Variants in ABHD17C observed in about 807,000 individuals in gnomAD.
ABHD17C encodes the protein abhydrolase domain containing 17C, depalmitoylase.
A neutral mutation model predicts 27.9 loss-of-function variants in ABHD17C; 11 were observed. That is an observed-to-expected ratio of 0.39 (90% CI 0.25 to 0.65). ABHD17C has a LOEUF of 0.65. Among genes scored for constraint, ABHD17C ranks in the 30% least tolerant of loss-of-function variants. The probability of loss-of-function intolerance (pLI) is 0.45; values close to 1 mark genes in which losing one functional copy is unlikely to be tolerated. For synonymous variants in ABHD17C, 233 were observed against 209.1 expected (o/e 1.11, Z -0.98); for missense variants, 280 against 470.2 (o/e 0.60, Z 3.74).
intron 1 of ABHD17C, among the ~76,000 whole-genome samples, chr15:80,708,709 T>C (rs1180897274): frequency 6.6e-6 from 1 of 152,222 alleles, no homozygotes; most frequent in Non-Finnish European, 1.5e-5. Flanking sequence ...CCTGGACCAG[T>C]GCAGCCTGGC....
intron 1 of ABHD17C, among the ~76,000 whole-genome samples, chr15:80,737,768 A>G (rs2141515649): frequency 6.6e-6 from 1 of 152,252 alleles, no homozygotes; most frequent in East Asian, 1.9e-4. Context: ...GATGACAAGG[A>G]GGGAGAACAT....
rs149722817 is a variant in ABHD17C, at chr15:80,714,962, T to C, written c.590+18943T>C. 5.1e-4 allele frequency among the ~76,000 whole-genome samples: 78 copies of C among 152,338 alleles called. 1 individual carries two copies. Among genetic ancestry groups the C allele is most frequent in the African/African-American group, 1.7e-3 (70 of 41,582 alleles). On this transcript the variant is annotated intron_variant, in intron 1 of 2. Coordinates refer to ENST00000258884, the MANE Select transcript of ABHD17C (RefSeq NM_021214.2). Reference sequence around the variant, plus strand: ...GGGCTAAGTGCTAGGTATAATCTTCTGCAGTATAAAAAAATACACAGCGTT... The same window carrying C: ...GGGCTAAGTGCTAGGTATAATCTTCCGCAGTATAAAAAAATACACAGCGTT...
chr15:80,705,465 T>G (rs548991322), intron 1 of ABHD17C, among the ~76,000 whole-genome samples: 1 of 152,132 alleles, frequency 6.6e-6, no homozygotes, highest in Admixed American at 6.6e-5. Context: ...ATTTTGAGCC[T>G]CAGTTAAAAT....
intron 1 of ABHD17C, among the ~76,000 whole-genome samples, chr15:80,736,599 A>T (rs1895133648): frequency 1.3e-5 from 2 of 152,170 alleles, no homozygotes; most frequent in Non-Finnish European, 2.9e-5. Flanking sequence ...CTCAGACCTC[A>T]TCCTTCAGTT....
intron 1 of ABHD17C, among the ~76,000 whole-genome samples, chr15:80,721,902 C>T (rs377407503): frequency 2.6e-5 from 4 of 152,070 alleles, no homozygotes; most frequent in Admixed American, 6.5e-5. Flanking sequence ...CTTGAGAGCA[C>T]CAACTAAAAG....
intron 1 of ABHD17C, chr15:80,703,095 C>G (rs1311695782): frequency 6.6e-6 from 1 of 152,214 alleles, no homozygotes; most frequent in Non-Finnish European, 1.5e-5. Context: ...CCGATGATGA[C>G]TGCTCTGCTT....
At chr15:80,702,400 C>G (rs1441954705) in intron 1 of ABHD17C, among the ~76,000 whole-genome samples, 1 of 152,126 alleles carries the variant, frequency 6.6e-6, no homozygotes, top group African/African-American at 2.4e-5. Context: ...AGTTTGAGAC[C>G]AGCCCGGGCA....
intron 1 of ABHD17C, among the ~76,000 whole-genome samples, chr15:80,720,014 AG>A (rs1894870301): frequency 6.6e-6 from 1 of 152,084 alleles, no homozygotes; most frequent in Admixed American, 6.5e-5. Flanking sequence ...TGGCCCGGCT[AG>A]TCTTGAACTC....
At chr15:80,749,808 T>C in intron 2 of ABHD17C, 116 bp downstream of exon 2, 4 of 1,279,514 alleles carry the variant, frequency 3.1e-6, no homozygotes, top group Non-Finnish European at 4.3e-6. Context: ...TCAGACCCTG[T>C]GCTGGGTGCC....
chr15:80,697,254 CT>C (rs1187681519), intron 1 of ABHD17C, among the ~76,000 whole-genome samples: 1 of 152,156 alleles, frequency 6.6e-6, no homozygotes, highest in African/African-American at 2.4e-5. Flanking sequence ...GGGATTATAG[CT>C]TTTCGAAAGT....
intron 1 of ABHD17C, among the ~76,000 whole-genome samples, chr15:80,737,719 G>A (rs1057021173): frequency 3.9e-5 from 6 of 152,172 alleles, no homozygotes; most frequent in Non-Finnish European, 7.3e-5. Flanking sequence ...GACGAGGTAG[G>A]ACCGGAATGG....
At chr15:80,710,605 C>T (rs895019561) in intron 1 of ABHD17C, among the ~76,000 whole-genome samples, 10 of 152,100 alleles carry the variant, frequency 6.6e-5, no homozygotes, top group Non-Finnish European at 1.3e-4. Flanking sequence ...ATTTGAAAGG[C>T]GGAACCAACA....
chr15:80,695,412 G>A lies in ABHD17C; in HGVS notation c.-18G>A, dbSNP rs1174954495. 3.3e-6 allele frequency: 4 copies of A among 1,227,428 alleles called. No individual in the cohort carries two copies. The highest frequency in any genetic ancestry group is 2.0e-5 in the South Asian group (1 of 50,268). The allele number at this position is 1,227,428 out of a possible 1,614,324, so 76.0% of individuals were successfully genotyped here. A position where few individuals can be genotyped will look rare whatever the true frequency, so the allele number is the denominator to read the frequency against. The stretch of plus-strand genomic sequence containing the variant: ...CCAGCCAGCCAGCCGGGCCGGCGGC[G>A]GGCACCAGGCCGTCCCGATGCCCGA... On this transcript the variant is annotated 5_prime_UTR_variant, in exon 1 of 3. Transcript: ENST00000258884. This position sits in a 1 kb window ranked among gnomAD's most constrained non-coding sequence, Gnocchi z 4.3.
chr15:80,701,466 G>A (rs1007451751), intron 1 of ABHD17C, among the ~76,000 whole-genome samples: 8 of 151,956 alleles, frequency 5.3e-5, no homozygotes, highest in African/African-American at 1.9e-4. Context: ...ATCATTTGAG[G>A]TCAGGAGTTT....
In ABHD17C at chr15:80,695,867, C is replaced by T. The variant is rs1894487152; in HGVS notation, c.438C>T (p.Gly146=). The change falls in exon 1 of 3, where the codon GGC becomes GGT. Residue 146 remains glycine (G), a synonymous_variant. Transcript: ENST00000258884. The surrounding 1 kb of genome is among the most constrained non-coding windows in gnomAD (Gnocchi z 4.3). ...LFSHGNAVDL[G]QMCSFYIGLG... ...CGCACGGCAACGCCGTGGACCTGGGCCAGATGTGCAGCTTCTACATTGGCC... is the reference window on the plus strand; with the variant it reads ...CGCACGGCAACGCCGTGGACCTGGGTCAGATGTGCAGCTTCTACATTGGCC... The T allele has an allele frequency of 2.5e-6, 4 of 1,596,394 alleles. No individual in the cohort carries two copies. The highest frequency in any genetic ancestry group is 2.2e-5 in the East Asian group (1 of 44,792).
chr15:80,703,821 G>A (rs1028416014), intron 1 of ABHD17C, among the ~76,000 whole-genome samples: 2 of 152,090 alleles, frequency 1.3e-5, no homozygotes, highest in Admixed American at 6.5e-5. Context: ...ACCTGGTGGG[G>A]GATACATTCC....
chr15:80,747,399 G>C (rs780615783), intron 1 of ABHD17C, among the ~76,000 whole-genome samples: 43 of 152,168 alleles, frequency 2.8e-4, no homozygotes, highest in Non-Finnish European at 4.7e-4. Flanking sequence ...CTCCCAGTCC[G>C]TGAAAGAAGG....
At chr15:80,717,972 G>A (rs1001274499) in intron 1 of ABHD17C, among the ~76,000 whole-genome samples, 1 of 152,174 alleles carries the variant, frequency 6.6e-6, no homozygotes, top group East Asian at 1.9e-4. Flanking sequence ...GAATACAGAG[G>A]TCTGCCTGGG....
At chr15:80,728,018 C>T (rs1053215241) in intron 1 of ABHD17C, among the ~76,000 whole-genome samples, 1 of 152,164 alleles carries the variant, frequency 6.6e-6, no homozygotes, top group African/African-American at 2.4e-5. Flanking sequence ...GGGTTCACAG[C>T]CAGGCTCTGC....
Sources: gnomAD v4.1 joint callset for allele counts (sites outside exome capture counted in the v4.1 genomes callset) on GRCh38, gnomAD v4.1.1 for gene constraint, Gnocchi (gnomAD v3.1) non-coding constraint, MANE v1.5 for transcripts, NCBI Gene and HGNC (gene_info 2026-07-23, HGNC 2026-07-21) for gene names.